Variants in BCL7C observed in about 807,000 individuals in gnomAD.
BCL7C encodes the protein BAF chromatin remodeling complex subunit BCL7C.
In BCL7C, 8 loss-of-function variants were observed where a neutral mutation model predicts 26.2. The observed-to-expected ratio is 0.30, with a 90% CI of 0.18 to 0.55. BCL7C has a LOEUF of 0.55. Among genes scored for constraint, BCL7C ranks in the 20% least tolerant of loss-of-function variants. The pLI is 0.93. For synonymous variants in BCL7C, 90 were observed against 116.5 expected (o/e 0.77, Z 1.47); for missense variants, 262 against 298.5 (o/e 0.88, Z 0.90).
At chr16:30,887,769 T>C (rs368452984), downstream of BCL7C, 3 of 1,489,996 alleles carry the variant, frequency 2.0e-6, no homozygotes, top group East Asian at 7.5e-5. Flanking sequence ...TCCCCAGCCC[T>C]GACGGGGAAA....
chr16:30,848,877 G>T (rs1424833365), intron 5 of BCL7C, among the ~76,000 whole-genome samples: 2 of 129,546 alleles, frequency 1.5e-5, no homozygotes, highest in African/African-American at 5.9e-5. Context: ...GGGTGACAAA[G>T]TGAGACTCCA....
chr16:30,880,328 A>G (rs529159379), intron 5 of BCL7C, among the ~76,000 whole-genome samples: 3 of 151,888 alleles, frequency 2.0e-5, no homozygotes, highest in Admixed American at 2.0e-4. Context: ...TGCAAAAAAT[A>G]CAAAAAAAAA....
At chr16:30,852,636 C>A (rs549771471) in intron 5 of BCL7C, among the ~76,000 whole-genome samples, 3 of 151,588 alleles carry the variant, frequency 2.0e-5, no homozygotes, top group African/African-American at 7.3e-5. Flanking sequence ...GGATTACAGG[C>A]GCATGCCACC....
intron 5 of BCL7C, among the ~76,000 whole-genome samples, chr16:30,868,374 T>C (rs1230190159): frequency 6.7e-6 from 1 of 150,126 alleles, no homozygotes; most frequent in Admixed American, 6.6e-5. Flanking sequence ...CCTGACCTCC[T>C]GATCCGCCCA....
At chr16:30,849,980 T>G (rs982545813) in intron 5 of BCL7C, among the ~76,000 whole-genome samples, 2 of 151,516 alleles carry the variant, frequency 1.3e-5, no homozygotes, top group South Asian at 2.1e-4. Flanking sequence ...GAGGCCAAGG[T>G]GGGCAGATCA....
chr16:30,869,694 G>C (rs142038477), intron 5 of BCL7C, among the ~76,000 whole-genome samples: 2 of 150,862 alleles, frequency 1.3e-5, no homozygotes, highest in Non-Finnish European at 3.0e-5. Flanking sequence ...TTTATTTTTT[G>C]TAGAGATGGG....
intron 5 of BCL7C, among the ~76,000 whole-genome samples, chr16:30,856,096 T>C (rs1596590352): frequency 2.1e-5 from 3 of 143,448 alleles, no homozygotes; most frequent in Non-Finnish European, 4.6e-5. Context: ...AAGTTATAAA[T>C]AAAACTTTCT....
chr16:30,861,973 C>G (rs936385935), intron 5 of BCL7C, among the ~76,000 whole-genome samples: 1 of 149,368 alleles, frequency 6.7e-6, no homozygotes, highest in Non-Finnish European at 1.5e-5. Flanking sequence ...ATGCCATTCT[C>G]CTGCCTCAGC....
intron 5 of BCL7C, among the ~76,000 whole-genome samples, chr16:30,867,448 G>C (rs941756033): frequency 6.6e-6 from 1 of 152,152 alleles, no homozygotes; most frequent in East Asian, 1.9e-4. Context: ...TTTTGCAGGT[G>C]TGATTAAGGA....
rs764282047 is a variant in BCL7C, at chr16:30,869,885, C to T, written c.528+18975G>A. 2.6e-5 allele frequency among the ~76,000 whole-genome samples: 4 copies of T among 152,238 alleles called. No homozygotes were observed. In the South Asian group the frequency reaches 8.3e-4, roughly 32 times the overall value. Reference sequence around the variant, plus strand: ...CCTCCATGATTGTTGAATGAGTAAACAAATTATTCCTTGCCCTTAAATTAG... The same window carrying T: ...CCTCCATGATTGTTGAATGAGTAAATAAATTATTCCTTGCCCTTAAATTAG... On this transcript the variant is annotated intron_variant, in intron 5 of 5. Transcript: ENST00000380317.
intron 4 of BCL7C, among the ~76,000 whole-genome samples, chr16:30,892,270 CAAAAAAAAAAA>C (rs55772061): frequency 9.0e-5 from 4 of 44,494 alleles, no homozygotes; most frequent in Non-Finnish European, 1.1e-4. Flanking sequence ...GACCCTTTCT[CAAAAAAAAAAA>C]AAAAAAAAAA....
chr16:30,866,393 A>G (rs141341982), intron 5 of BCL7C, among the ~76,000 whole-genome samples: 2,835 of 152,156 alleles, frequency 0.019, 88 homozygotes, highest in African/African-American at 0.063. Flanking sequence ...CCTGGCGAAC[A>G]TGGTGAAACG....
At chr16:30,884,741 A>T (rs1035909486), downstream of BCL7C, among the ~76,000 whole-genome samples, 4 of 152,046 alleles carry the variant, frequency 2.6e-5, no homozygotes, top group African/African-American at 9.6e-5. Context: ...CAGTAATCCA[A>T]CCACCTCAGC....
chr16:30,893,741 T>A lies in BCL7C; in HGVS notation c.92+112A>T. ...CCCTGTGGATCCAGGGCAAAGCTAG[T>A]GGGTGGAGATACACCGAACACCCGG... On this transcript the variant is annotated intron_variant, in intron 1 of 5. Coordinates refer to ENST00000215115, the MANE Select transcript of BCL7C (RefSeq NM_004765.4). This position sits in a 1 kb window ranked among gnomAD's most constrained non-coding sequence, Gnocchi z 5.2. 1.1e-6 allele frequency: 1 copy of A among 888,664 alleles called. No homozygotes were observed. The highest frequency in any genetic ancestry group is 1.8e-6 in the Non-Finnish European group (1 of 559,082). The allele number at this position is 888,664 out of a possible 1,614,324, so 55.0% of individuals were successfully genotyped here.
intron 5 of BCL7C, among the ~76,000 whole-genome samples, chr16:30,850,223 A>AG (rs1441664367): frequency 5.3e-5 from 8 of 151,596 alleles, no homozygotes; most frequent in African/African-American, 9.7e-5. Context: ...AAAAAAAAAA[A>AG]AAAAGAAAAG....
intron 5 of BCL7C, among the ~76,000 whole-genome samples, chr16:30,868,602 A>G: frequency 6.6e-6 from 1 of 151,460 alleles, no homozygotes; most frequent in East Asian, 2.0e-4. Context: ...CCTGACCAAC[A>G]TGGAGAAACC....
chr16:30,858,680 A>G (rs2054744905), intron 5 of BCL7C, among the ~76,000 whole-genome samples: 1 of 152,176 alleles, frequency 6.6e-6, no homozygotes, highest in Non-Finnish European at 1.5e-5. Context: ...AAGAAATCCT[A>G]TCACATGTCA....
downstream of BCL7C, among the ~76,000 whole-genome samples, chr16:30,886,901 G>A (rs192221833): frequency 1.5e-3 from 224 of 152,274 alleles, 2 homozygotes; most frequent in African/African-American, 4.8e-3. Flanking sequence ...GGCTGGGCGC[G>A]GTGGCTCACG....
At chr16:30,849,030 A>G (rs2151362640) in intron 5 of BCL7C, among the ~76,000 whole-genome samples, 1 of 152,080 alleles carries the variant, frequency 6.6e-6, no homozygotes, top group East Asian at 1.9e-4. Flanking sequence ...TACTAAAAAT[A>G]CAAAAAATTA....
Sources: allele counts gnomAD v4.1 joint callset (sites outside exome capture counted in the v4.1 genomes callset), GRCh38; gene constraint gnomAD v4.1.1; non-coding constraint Gnocchi (gnomAD v3.1); transcripts MANE v1.5; gene names NCBI Gene and HGNC (gene_info 2026-07-23, HGNC 2026-07-21).